The following CCNG2 variants were observed in gnomAD, a reference collection of about 807,000 sequenced individuals.
The protein encoded by CCNG2 is cyclin G2.
CCNG2 carries 20 observed loss-of-function variants against 36.5 expected under a neutral mutation model. The observed-to-expected ratio is 0.55, with a 90% confidence interval of 0.39 to 0.80. The LOEUF (loss-of-function observed/expected upper bound fraction) is 0.80, where lower values mean the gene tolerates loss of function less well. CCNG2 is among the 30% of genes least tolerant of loss of function. The pLI is 0.00. For synonymous variants in CCNG2, 155 were observed against 140.1 expected, an observed-to-expected ratio of 1.11 and a Z score of -0.75; for missense variants, 358 against 390.8, an observed-to-expected ratio of 0.92 and a Z score of 0.71.
At position 77,168,059 on chromosome 4, in the gene CCNG2, C is replaced by T. The variant is rs1336139985; in HGVS notation, c.*2135C>T. ...GGTTTTCAGTGTATTTAGTCGAGAC[C>T]TCTCTGCTGAGCTTGCAACCTGTTT... On this transcript the variant is annotated 3_prime_UTR_variant, in exon 8 of 8. Coordinates refer to ENST00000316355, the MANE Select transcript of CCNG2 (RefSeq NM_004354.3). 6.6e-6 allele frequency: 1 copy of T among 152,134 alleles called. No homozygotes were observed. Among genetic ancestry groups the T allele is most frequent in the African/African-American group, 2.4e-5 (1 of 41,416 alleles). The allele number at this position is 152,134 out of a possible 1,614,324, so 9.4% of individuals were successfully genotyped here.
In CCNG2 at chr4:77,161,649, C is replaced by T. The variant is rs2109918705; in HGVS notation, c.607C>T (p.Pro203Ser). The change falls in exon 6 of 8, where the codon CCA (proline) becomes TCA (serine). Residue 203 changes from proline to serine, a missense_variant and splice_region_variant. Physicochemically the swap from Pro to Ser is moderately conservative, Grantham distance 74. Coordinates refer to ENST00000316355, the MANE Select transcript of CCNG2 (RefSeq NM_004354.3). The part of the protein sequence containing the change: ...NCRLIFSKAK[P>S]SVLALCLLNL... ...TTCTTTTTTTTCTTTTTTCTTACAGCCATCTGTATTAGCCTTGTGCCTTCT... is the reference window on the plus strand; with the variant it reads ...TTCTTTTTTTTCTTTTTTCTTACAGTCATCTGTATTAGCCTTGTGCCTTCT... 4 of 1,581,730 alleles carry T rather than the reference C, an allele frequency of 2.5e-6. No individual in the cohort carries two copies. In the African/African-American group the frequency reaches 4.1e-5, roughly 16 times the overall value.
intron 4 of CCNG2, 146 bp downstream of exon 4, chr4:77,161,117 T>C: frequency 1.4e-6 from 1 of 710,906 alleles, no homozygotes; most frequent in Non-Finnish European, 2.2e-6. Context: ...TTTTTTTTTT[T>C]TGGAGAAGGA....
At chr4:77,160,526 T>G (rs959914970) in intron 3 of CCNG2, among the ~76,000 whole-genome samples, 195 bp from the exon 4 acceptor site, 2 of 133,916 alleles carry the variant, frequency 1.5e-5, no homozygotes, top group Non-Finnish European at 3.1e-5. Context: ...TGCTGCCTTT[T>G]TTTTTGGGGG....
At chr4:77,164,697 C>G in intron 7 of CCNG2, 1 of 464,894 alleles carries the variant, frequency 2.2e-6, no homozygotes. Flanking sequence ...TAGTTTTTTT[C>G]TTTTTTATAT....
chr4:77,166,157 T>G lies in CCNG2; in HGVS notation c.*233T>G. 1 of 307,266 alleles carries G rather than the reference T, an allele frequency of 3.3e-6. No homozygotes were observed. Among genetic ancestry groups the G allele is most frequent in the Non-Finnish European group, 5.9e-6 (1 of 168,326 alleles). 19.0% of individuals were successfully genotyped at this position (307,266 alleles called of 1,614,324 possible). On this transcript the variant is annotated 3_prime_UTR_variant, in exon 8 of 8. Transcript: ENST00000316355. The stretch of plus-strand genomic sequence containing the variant: ...TACTTTAGACATTGGCACTTTATTT[T>G]TCTCGTAGATCTTTAGCTACTTTGG...
rs1577910337 is a variant in CCNG2, at chr4:77,168,318, T to A, written c.*2394T>A. 1 of 152,272 alleles carries A rather than the reference T, an allele frequency of 6.6e-6. No homozygotes were observed. Among genetic ancestry groups the A allele is most frequent in the Admixed American group, 6.5e-5 (1 of 15,284 alleles). The allele number at this position is 152,272 out of a possible 1,614,324, so 9.4% of individuals were successfully genotyped here. ...TTCTGCCATTGGCATGGTTTAGACC[T>A]GTACTCTTTATCAGCAGAGGTACTG... On this transcript the variant is annotated 3_prime_UTR_variant, in exon 8 of 8. Coordinates refer to ENST00000316355, the MANE Select transcript of CCNG2 (RefSeq NM_004354.3).
intron 3 of CCNG2, 117 bp from the exon 4 acceptor site, chr4:77,160,604 T>C (rs780840221): frequency 6.9e-6 from 7 of 1,010,922 alleles, no homozygotes; most frequent in East Asian, 2.5e-5. Context: ...CCAGTACATA[T>C]AAGAGAAACA....
Position 77,160,963 on chromosome 4 carries a change from T to C in CCNG2, c.519T>C (p.Thr173=), listed in dbSNP as rs142238141. 138 of 1,600,538 alleles carry C rather than the reference T, an allele frequency of 8.6e-5. No homozygotes were observed. Among genetic ancestry groups the C allele is most frequent in the Non-Finnish European group, 1.1e-4 (128 of 1,177,086 alleles). The change falls in exon 4 of 8, where the codon ACT becomes ACC. Residue 173 remains threonine (T), a synonymous_variant. Transcript: ENST00000316355. ...HLYHTIILCH[T]SERKEILSLD... ...ACCATACTATTATACTTTGTCATACTTCAGAAAGGTCAGTGGGATTAAAGA... is the reference window on the plus strand; with the variant it reads ...ACCATACTATTATACTTTGTCATACCTCAGAAAGGTCAGTGGGATTAAAGA...
At chr4:77,162,496 C>T (rs558855300) in intron 6 of CCNG2, among the ~76,000 whole-genome samples, 9 of 149,632 alleles carry the variant, frequency 6.0e-5, no homozygotes, top group Non-Finnish European at 8.9e-5. Flanking sequence ...GATTCTCCTG[C>T]GTCAACCTCC....
intron 2 of CCNG2, among the ~76,000 whole-genome samples, chr4:77,159,064 C>G (rs1731353145): frequency 6.6e-6 from 1 of 152,210 alleles, no homozygotes; most frequent in Non-Finnish European, 1.5e-5. Flanking sequence ...TCTCTCCATT[C>G]CAAGGGAATT....
intron 7 of CCNG2, chr4:77,164,680 A>AT (rs1731581470): frequency 2.1e-6 from 1 of 485,858 alleles, no homozygotes; most frequent in South Asian, 3.4e-5. Context: ...GTCCTCTCCA[A>AT]TTTTTTTAGT....
chr4:77,159,407 T>C lies in CCNG2; in HGVS notation c.179T>C (p.Val60Ala). 1 of 1,613,794 alleles carries C rather than the reference T, an allele frequency of 6.2e-7. No individual in the cohort carries two copies. Among genetic ancestry groups the C allele is most frequent in the East Asian group, 2.2e-5 (1 of 44,840 alleles). Residue 60 changes from valine to alanine, a missense_variant, in exon 3 of 8, where the codon GTT becomes GCT. By Grantham distance (64) the Val-to-Ala change is moderately conservative (BLOSUM62 0). Transcript: ENST00000316355. ...TGTCCAGGATTGAGAAATGCCAAAG[T>C]TGAAGATTTAAGGAGTTTAGCCAAC... ...TLCPGLRNAK[V>A]EDLRSLANFF...
Position 77,164,537 on chromosome 4 carries a change from A to G in CCNG2, c.911+58A>G, listed in dbSNP as rs890816867. ...TAGACTAAATATTACTGAGTTTATTATACTCAGAACTGGAATAGTGTAAGA... is the reference window on the plus strand; with the variant it reads ...TAGACTAAATATTACTGAGTTTATTGTACTCAGAACTGGAATAGTGTAAGA... On this transcript the variant is annotated intron_variant, in intron 7 of 7. Coordinates refer to ENST00000316355, the MANE Select transcript of CCNG2 (RefSeq NM_004354.3). The G allele has an allele frequency of 1.5e-5, 19 of 1,293,506 alleles. No homozygotes were observed. The Admixed American group carries it at 2.2e-4, about 15-fold the overall frequency. 80.1% of individuals were successfully genotyped at this position (1,293,506 alleles called of 1,614,324 possible).
chr4:77,162,380 T>G (rs949145098), intron 6 of CCNG2, among the ~76,000 whole-genome samples: 1 of 136,462 alleles, frequency 7.3e-6, no homozygotes, highest in Non-Finnish European at 1.6e-5. Context: ...TTTGGGATTT[T>G]TTTTTTTTTT....
chr4:77,157,918 C>T (rs1577902530), intron 1 of CCNG2, among the ~76,000 whole-genome samples: 1 of 151,780 alleles, frequency 6.6e-6, no homozygotes, highest in African/African-American at 2.4e-5. Flanking sequence ...GGACCGTAGC[C>T]GGGTGTGCCG....
chr4:77,161,618 AT>A, intron 5 of CCNG2, 30 bp from the exon 6 acceptor site: 2 of 1,570,344 alleles, frequency 1.3e-6, no homozygotes, highest in Non-Finnish European at 1.7e-6. Context: ...TTTTTAAAAA[AT>A]ATTTTTCTTT....
chr4:77,168,020 T>C lies in CCNG2; in HGVS notation c.*2096T>C, dbSNP rs1017421449. The stretch of plus-strand genomic sequence containing the variant: ...CTGGGTAAGCATCTTTGTGGCTTCA[T>C]CTCTTCCCCCTGTGGTTTTCAGTGT... On this transcript the variant is annotated 3_prime_UTR_variant, in exon 8 of 8. Coordinates refer to ENST00000316355, the MANE Select transcript of CCNG2 (RefSeq NM_004354.3). The C allele has an allele frequency of 6.6e-6, 1 of 152,228 alleles. No individual in the cohort carries two copies. Among genetic ancestry groups the C allele is most frequent in the Non-Finnish European group, 1.5e-5 (1 of 68,058 alleles). The allele number at this position is 152,228 out of a possible 1,614,324, so 9.4% of individuals were successfully genotyped here. A position where few individuals can be genotyped will look rare whatever the true frequency, so the allele number is the denominator to read the frequency against.
Position 77,161,111 on chromosome 4 carries a change from TTTTTTTTG to T in CCNG2, c.527+141_527+148del. On this transcript the variant is annotated intron_variant, in intron 4 of 7. Transcript: ENST00000316355. ...TTTATTGGTAAATCTTTTTTTTTTT[TTTTTTTTG>T]GAGAAGGAATTTCGCTCTTGTTGCC... 3.2e-5 allele frequency: 24 copies of T among 759,592 alleles called. No homozygotes were observed. The African/African-American group carries it at 3.5e-4, about 11-fold the overall frequency. 47.1% of individuals were successfully genotyped at this position (759,592 alleles called of 1,614,324 possible). A position where few individuals can be genotyped will look rare whatever the true frequency, so the allele number is the denominator to read the frequency against.
chr4:77,160,838 A>G lies in CCNG2; in HGVS notation c.394A>G (p.Lys132Glu). ...THDVIRISQCKCTASDIKRME... is the reference protein window; with the variant it reads ...THDVIRISQCECTASDIKRME... ...TGATGTGATCCGGATTAGTCAGTGT[A>G]AATGTACTGCTTCTGACATAAAACG... The change falls in exon 4 of 8, where the codon AAA becomes GAA. Residue 132 changes from lysine (K) to glutamate (E), a missense_variant. By Grantham distance (56) the Lys-to-Glu change is moderately conservative (BLOSUM62 1). Transcript: ENST00000316355. 1 of 1,614,108 alleles carries G rather than the reference A, an allele frequency of 6.2e-7. No homozygotes were observed. Among genetic ancestry groups the G allele is most frequent in the East Asian group, 2.2e-5 (1 of 44,868 alleles).
Sources: gnomAD v4.1 joint callset for allele counts (sites outside exome capture counted in the v4.1 genomes callset) on GRCh38, gnomAD v4.1.1 for gene constraint, MANE v1.5 for transcripts, NCBI Gene and HGNC (gene_info 2026-07-23, HGNC 2026-07-21) for gene names.